Variants in TMEM132C observed in about 807,000 individuals in gnomAD.
TMEM132C encodes the protein transmembrane protein 132C, also known as protein phosphatase 1, regulatory subunit 152.
A neutral mutation model predicts 61.4 loss-of-function variants in TMEM132C; 29 were observed. The ratio of observed to expected loss-of-function variants is 0.47; its 90% CI spans 0.35 to 0.64. TMEM132C has a LOEUF of 0.64. Ranked by LOEUF, TMEM132C falls within the 30% of genes least tolerant of loss-of-function variation. TMEM132C has a pLI of 0.00. For missense variants in TMEM132C, 1,408 were observed against 1,476.9 expected, an observed-to-expected ratio of 0.95 and a Z score of 0.76; for synonymous variants, 656 against 633.1, an observed-to-expected ratio of 1.04 and a Z score of -0.54.
At chr12:128,575,276 C>G (rs532412700) in intron 3 of TMEM132C, among the ~76,000 whole-genome samples, 1 of 152,158 alleles carries the variant, frequency 6.6e-6, no homozygotes, top group Non-Finnish European at 1.5e-5. Flanking sequence ...GTCAAGAGAT[C>G]GAGTCCATCC....
chr12:128,317,374 T>C (rs1410869469), intron 1 of TMEM132C, among the ~76,000 whole-genome samples: 1 of 152,114 alleles, frequency 6.6e-6, no homozygotes, highest in African/African-American at 2.4e-5. Context: ...TGTTTAGGGG[T>C]CCGGATCTTG....
chr12:128,507,772 G>A (rs926978488), intron 2 of TMEM132C, among the ~76,000 whole-genome samples: 3 of 152,098 alleles, frequency 2.0e-5, no homozygotes, highest in South Asian at 2.1e-4. Context: ...AAGGAGAAAG[G>A]GACTCACTCC....
intron 1 of TMEM132C, among the ~76,000 whole-genome samples, chr12:128,316,419 G>A (rs1872155066): frequency 6.6e-6 from 1 of 152,198 alleles, no homozygotes; most frequent in Admixed American, 6.5e-5. Context: ...AGGATTTGTA[G>A]TTGATTTTGG....
chr12:128,390,160 C>A (rs2135998856), intron 1 of TMEM132C, among the ~76,000 whole-genome samples: 1 of 152,262 alleles, frequency 6.6e-6, no homozygotes, highest in East Asian at 1.9e-4. Flanking sequence ...TGTGAGCCAC[C>A]ACACCCGGCA....
chr12:128,362,956 T>C lies in TMEM132C; in HGVS notation c.86-51776T>C, dbSNP rs144943463. On this transcript the variant is annotated intron_variant, in intron 1 of 8. Coordinates refer to ENST00000435159, the MANE Select transcript of TMEM132C (RefSeq NM_001136103.3). ...CAGCTTTCAAATGAAGAAGTGAAAA[T>C]AAAAAGAGCATGAATTAAATATCAA... Among the ~76,000 whole-genome samples the C allele has an allele frequency of 2.4e-3, 372 of 151,892 alleles. 2 individuals are homozygous for C. The highest frequency in any genetic ancestry group is 3.7e-3 in the Non-Finnish European group (254 of 67,960).
intron 2 of TMEM132C, among the ~76,000 whole-genome samples, chr12:128,537,025 T>TAGGAGGAGTCATGAATATTTATGGG (rs1439000186): frequency 2.6e-5 from 4 of 152,106 alleles, no homozygotes; most frequent in Non-Finnish European, 4.4e-5. Context: ...CAATAAGCCA[T>TAGGAGGAGTCATGAATATTTATGGG]AGGAGGAGTC....
intron 1 of TMEM132C, among the ~76,000 whole-genome samples, chr12:128,400,880 A>T (rs963826680): frequency 6.6e-6 from 1 of 151,646 alleles, no homozygotes; most frequent in Non-Finnish European, 1.5e-5. Flanking sequence ...AAGTGCTGAT[A>T]TTACAGGCTT....
At chr12:128,356,138 C>G (rs913509435) in intron 1 of TMEM132C, among the ~76,000 whole-genome samples, 1 of 152,172 alleles carries the variant, frequency 6.6e-6, no homozygotes, top group Non-Finnish European at 1.5e-5. Flanking sequence ...TTTGGATGGT[C>G]GGATTCTTTC....
At chr12:128,451,685 A>G (rs1014216025) in intron 2 of TMEM132C, among the ~76,000 whole-genome samples, 7 of 152,242 alleles carry the variant, frequency 4.6e-5, no homozygotes, top group Non-Finnish European at 7.3e-5. Context: ...TGAAAAAGAA[A>G]TTCCCAGGAG....
At chr12:128,286,003 A>C (rs1165619527) in intron 1 of TMEM132C, among the ~76,000 whole-genome samples, 892 of 26,484 alleles carry the variant, frequency 0.034, no homozygotes, top group Admixed American at 0.06. Flanking sequence ...CTCTCTCCCC[A>C]TCTCTATCCC....
At chr12:128,433,436 C>A (rs1869465760) in intron 2 of TMEM132C, among the ~76,000 whole-genome samples, 1 of 152,192 alleles carries the variant, frequency 6.6e-6, no homozygotes, top group South Asian at 2.1e-4. Context: ...TGGCTTGATG[C>A]TGCCCAATTC....
intron 3 of TMEM132C, among the ~76,000 whole-genome samples, chr12:128,574,096 G>C (rs1414159167): frequency 6.6e-6 from 1 of 152,072 alleles, no homozygotes; most frequent in Non-Finnish European, 1.5e-5. Context: ...TGCCCCATTT[G>C]GAACCCACAT....
rs1314672098 is a variant in TMEM132C, at chr12:128,696,028, G to A, written c.1854G>A (p.Leu618=). The A allele has an allele frequency of 1.3e-6, 2 of 1,551,638 alleles. No homozygotes were observed. Among genetic ancestry groups the A allele is most frequent in the Non-Finnish European group, 1.7e-6 (2 of 1,147,014 alleles). The change falls in exon 7 of 9, where the codon CTG becomes CTA. Residue 618 remains leucine, a synonymous_variant. Transcript: ENST00000435159. The part of the protein sequence containing the change: ...ITHLVADFMK[L]EEPHVATLQD... Reference sequence around the variant, plus strand: ...ACCTGGTGGCAGACTTCATGAAGCTGGAGGAACCTCACGTGGCCACCCTCC... The same window carrying A: ...ACCTGGTGGCAGACTTCATGAAGCTAGAGGAACCTCACGTGGCCACCCTCC...
chr12:128,587,290 C>T (rs1875584548), intron 3 of TMEM132C, among the ~76,000 whole-genome samples: 1 of 152,184 alleles, frequency 6.6e-6, no homozygotes, highest in South Asian at 2.1e-4. Flanking sequence ...AGTTCAAGAG[C>T]AAAGTGCCAG....
intron 2 of TMEM132C, among the ~76,000 whole-genome samples, chr12:128,530,539 G>T (rs572861237): frequency 1.3e-5 from 2 of 151,818 alleles, no homozygotes; most frequent in Non-Finnish European, 2.9e-5. Flanking sequence ...TGCCTACCTT[G>T]TTCAAGCGCT....
chr12:128,432,603 G>A (rs887704939), intron 2 of TMEM132C, among the ~76,000 whole-genome samples: 5 of 152,224 alleles, frequency 3.3e-5, no homozygotes, highest in Non-Finnish European at 5.9e-5. Flanking sequence ...TGACTGAATT[G>A]CTGCAATCTC....
At position 128,706,089 on chromosome 12, in the gene TMEM132C, C is replaced by G; in HGVS notation, c.3121C>G (p.Gln1041Glu). ...GGGGCGGCAGGGCAGAGAACAGAAG[C>G]AGGACCCCCTGCACTCGCCCACCTC... ...SGGRQGREQK[Q>E]DPLHSPTSKR... Residue 1041 changes from glutamine (Q) to glutamate (E), a missense_variant, in exon 9 of 9, where the codon CAG (glutamine) becomes GAG (glutamate). Transcript: ENST00000435159. 1 of 1,551,630 alleles carries G rather than the reference C, an allele frequency of 6.4e-7. No homozygotes were observed. Among genetic ancestry groups the G allele is most frequent in the Non-Finnish European group, 8.7e-7 (1 of 1,146,912 alleles).
In TMEM132C at chr12:128,684,944, T is replaced by C. The variant is rs79905070; in HGVS notation, c.1450-8885T>C. Among the ~76,000 whole-genome samples the C allele has an allele frequency of 7.0e-3, 1,068 of 152,262 alleles. 16 individuals carry two copies. The highest frequency in any genetic ancestry group is 0.024 in the African/African-American group (1,014 of 41,542). On this transcript the variant is annotated intron_variant, in intron 5 of 8. Transcript: ENST00000435159. ...ACATTGCACAGGAGATGCCAGATGT[T>C]CTCTGGGGTGAGAACAGGTACCGGC... is the stretch of plus-strand genomic sequence containing the variant.
intron 1 of TMEM132C, among the ~76,000 whole-genome samples, chr12:128,304,001 A>G (rs549603549): frequency 1.3e-5 from 2 of 152,106 alleles, no homozygotes; most frequent in East Asian, 1.9e-4. Context: ...TAGTTGGGAC[A>G]GATGTGTGAT....
Sources: allele counts gnomAD v4.1 joint callset (sites outside exome capture counted in the v4.1 genomes callset), GRCh38; gene constraint gnomAD v4.1.1; transcripts MANE v1.5; gene names NCBI Gene and HGNC (gene_info 2026-07-23, HGNC 2026-07-21).